Variants in PARD3B observed in about 807,000 individuals in gnomAD.
PARD3B encodes par-3 family cell polarity regulator beta, also known as partitioning defective 3 homolog B.
PARD3B carries 103 observed loss-of-function variants against 130.2 expected under a neutral mutation model. The ratio of observed to expected loss-of-function variants is 0.79; its 90% CI spans 0.67 to 0.93. PARD3B has a LOEUF of 0.93. Among genes scored for constraint, PARD3B ranks in the 40% least tolerant of loss-of-function variants. The pLI is 0.00. For synonymous variants in PARD3B, 583 were observed against 553.2 expected, an observed-to-expected ratio of 1.05 and a Z score of -0.76; for missense variants, 1,609 against 1,499.2, an observed-to-expected ratio of 1.07 and a Z score of -1.21.
intron 2 of PARD3B, among the ~76,000 whole-genome samples, chr2:204,778,860 C>T (rs576754426): frequency 2.0e-5 from 3 of 152,138 alleles, no homozygotes; most frequent in South Asian, 2.1e-4. Context: ...TGCGTACGTC[C>T]GATCATGTTA....
chr2:204,713,655 T>C (rs1199044442), intron 2 of PARD3B, among the ~76,000 whole-genome samples: 1 of 152,162 alleles, frequency 6.6e-6, no homozygotes, highest in Non-Finnish European at 1.5e-5. Context: ...TGGAATTATA[T>C]GATGTTCACC....
In PARD3B at chr2:204,561,499, G is replaced by C. The variant is rs73984229; in HGVS notation, c.120+15380G>C. ...GGGAAGCCCCAGTGAGAGAACAAGA[G>C]GGTGGGCAGCTCCATTCCTGCCAGG... On this transcript the variant is annotated intron_variant, in intron 1 of 22. Coordinates refer to ENST00000406610, the MANE Select transcript of PARD3B (RefSeq NM_001302769.2). 9.1e-3 allele frequency among the ~76,000 whole-genome samples: 1,386 copies of C among 152,242 alleles called. 21 individuals carry two copies. Among genetic ancestry groups the C allele is most frequent in the African/African-American group, 0.031 (1,308 of 41,536 alleles).
chr2:205,174,162 G>A (rs1057097113), intron 12 of PARD3B, among the ~76,000 whole-genome samples: 5 of 152,096 alleles, frequency 3.3e-5, no homozygotes, highest in African/African-American at 4.8e-5. Context: ...TTTACTGCAG[G>A]TATTTTCATT....
chr2:205,206,002 A>G (rs1175217017), intron 15 of PARD3B, among the ~76,000 whole-genome samples: 1 of 152,006 alleles, frequency 6.6e-6, no homozygotes, highest in African/African-American at 2.4e-5. Flanking sequence ...TATTGTTTGG[A>G]ATAGTTTCAG....
At chr2:204,808,038 A>G (rs2042836400) in intron 2 of PARD3B, among the ~76,000 whole-genome samples, 1 of 152,146 alleles carries the variant, frequency 6.6e-6, no homozygotes, top group Non-Finnish European at 1.5e-5. Context: ...TGTGATTATT[A>G]CACATTGTAT....
At chr2:205,477,705 T>G (rs955325827) in intron 20 of PARD3B, among the ~76,000 whole-genome samples, 1 of 152,126 alleles carries the variant, frequency 6.6e-6, no homozygotes, top group African/African-American at 2.4e-5. Flanking sequence ...CAGTATAGAG[T>G]CAGCCCTACA....
chr2:205,084,210 T>TA (rs1701608934), intron 4 of PARD3B, among the ~76,000 whole-genome samples: 2 of 152,288 alleles, frequency 1.3e-5, no homozygotes, highest in Admixed American at 1.3e-4. Flanking sequence ...TTCTGTTTTT[T>TA]ATCTTAATTT....
At chr2:204,861,106 G>C (rs1279908821) in intron 2 of PARD3B, among the ~76,000 whole-genome samples, 1 of 151,000 alleles carries the variant, frequency 6.6e-6, no homozygotes, top group East Asian at 2.0e-4. Flanking sequence ...TGATTTCATT[G>C]GGGGCTGCTA....
chr2:205,495,934 T>C (rs890808402), intron 20 of PARD3B, among the ~76,000 whole-genome samples: 5 of 114,722 alleles, frequency 4.4e-5, no homozygotes, highest in Admixed American at 1.0e-4. Flanking sequence ...AATAAACTCA[T>C]GTACAATTCC....
chr2:204,680,175 C>T (rs934914831), intron 1 of PARD3B, among the ~76,000 whole-genome samples: 6 of 151,834 alleles, frequency 4.0e-5, no homozygotes, highest in African/African-American at 1.5e-4. Context: ...AAGATTTTAC[C>T]TGTGATGTCA....
intron 18 of PARD3B, among the ~76,000 whole-genome samples, chr2:205,356,002 T>C (rs1244360834): frequency 1.3e-5 from 2 of 152,178 alleles, no homozygotes; most frequent in Non-Finnish European, 2.9e-5. Flanking sequence ...TTACGGGGAC[T>C]ATAATTCCAG....
chr2:204,608,105 T>C (rs2033791585), intron 1 of PARD3B, among the ~76,000 whole-genome samples: 1 of 152,176 alleles, frequency 6.6e-6, no homozygotes. Context: ...CATAAATATC[T>C]GTGATGATAA....
chr2:205,185,650 A>T, intron 13 of PARD3B, 114 bp from the exon 14 acceptor site: 1 of 744,278 alleles, frequency 1.3e-6, no homozygotes. Context: ...TATTTATTTC[A>T]GGGCTGGTTT....
Position 205,176,429 on chromosome 2 carries a change from T to C in PARD3B, c.1792-16T>C. On this transcript the variant is annotated splice_polypyrimidine_tract_variant and intron_variant, in intron 12 of 22. Transcript: ENST00000406610. The surrounding 1 kb of genome is among the most constrained non-coding windows in gnomAD (Gnocchi z 5.3). ...ATATTAAAAATGCAAATGTAATTTT[T>C]ACTTTTATCTCTTAGGATCCTGCAG... The C allele has an allele frequency of 6.3e-7, 1 of 1,581,244 alleles. No homozygotes were observed. Among genetic ancestry groups the C allele is most frequent in the Non-Finnish European group, 8.6e-7 (1 of 1,169,072 alleles).
chr2:204,681,426 A>T (rs1255981083), intron 1 of PARD3B, among the ~76,000 whole-genome samples: 1 of 152,152 alleles, frequency 6.6e-6, no homozygotes, highest in East Asian at 1.9e-4. Flanking sequence ...CTTTGGAAAC[A>T]TACTGTAGTT....
intron 11 of PARD3B, among the ~76,000 whole-genome samples, chr2:205,164,797 G>T (rs2034707491): frequency 6.9e-6 from 1 of 144,120 alleles, no homozygotes; most frequent in African/African-American, 2.7e-5. Context: ...CTTCATTATG[G>T]GTACCTATAG....
At chr2:205,106,638 C>T (rs182238845) in intron 5 of PARD3B, among the ~76,000 whole-genome samples, 52 of 152,164 alleles carry the variant, frequency 3.4e-4, no homozygotes, top group Admixed American at 9.2e-4. Context: ...ACTTAATTGA[C>T]ACCCACCACT....
chr2:205,114,789 G>C (rs146509741), intron 6 of PARD3B, among the ~76,000 whole-genome samples: 1 of 150,534 alleles, frequency 6.6e-6, no homozygotes, highest in Non-Finnish European at 1.5e-5. Flanking sequence ...CTGATGCCAA[G>C]CTCTCACTGG....
intron 15 of PARD3B, among the ~76,000 whole-genome samples, chr2:205,210,528 T>A (rs956677132): frequency 1.3e-5 from 2 of 152,168 alleles, no homozygotes; most frequent in African/African-American, 4.8e-5. Flanking sequence ...GAAACAGGAA[T>A]GCATTGAGCC....
Sources: gnomAD v4.1 joint callset for allele counts (sites outside exome capture counted in the v4.1 genomes callset) on GRCh38, gnomAD v4.1.1 for gene constraint, Gnocchi (gnomAD v3.1) non-coding constraint, MANE v1.5 for transcripts, NCBI Gene and HGNC (gene_info 2026-07-23, HGNC 2026-07-21) for gene names.